Variants in GALK2 observed in about 807,000 individuals in gnomAD.
The protein encoded by GALK2 is N-acetylgalactosamine kinase.
In GALK2, 36 loss-of-function variants were observed where a neutral mutation model predicts 52.4. That is an observed-to-expected ratio of 0.69 (90% CI 0.53 to 0.91). The LOEUF is 0.91. Among genes scored for constraint, GALK2 ranks in the 40% least tolerant of loss-of-function variants. GALK2 has a pLI of 0.00. For missense variants in GALK2, 579 were observed against 559.1 expected (o/e 1.04, Z -0.36); for synonymous variants, 176 against 199.1 (o/e 0.88, Z 0.98).
intron 3 of GALK2, among the ~76,000 whole-genome samples, chr15:49,233,499 C>T (rs77376182): frequency 7.2e-5 from 11 of 152,218 alleles, no homozygotes; most frequent in African/African-American, 1.7e-4. Context: ...AACTATCCTC[C>T]TCTTTTTCTC....
chr15:49,286,823 A>C (rs956463957), intron 7 of GALK2, among the ~76,000 whole-genome samples: 1 of 152,128 alleles, frequency 6.6e-6, no homozygotes, highest in South Asian at 2.1e-4. Flanking sequence ...TTGACCTTTT[A>C]TCTTGAGGTT....
intron 1 of GALK2, among the ~76,000 whole-genome samples, chr15:49,175,300 C>G (rs2085362637): frequency 6.6e-6 from 1 of 152,172 alleles, no homozygotes; most frequent in Non-Finnish European, 1.5e-5. Flanking sequence ...GGCTGGTCCT[C>G]TGTCCAATCA....
intron 8 of GALK2, among the ~76,000 whole-genome samples, chr15:49,308,011 T>A (rs1856494168): frequency 6.6e-6 from 1 of 152,252 alleles, no homozygotes; most frequent in South Asian, 2.1e-4. Flanking sequence ...TTTGTGGGTT[T>A]GACCATTTCA....
In GALK2 at chr15:49,201,230, C is replaced by A; in HGVS notation, c.122C>A (p.Pro41Gln). ...GSIPKFYVRA[P>Q]GRVNIIGEHI... ...ATTCCCAAGTTTTATGTTCGAGCAC[C>A]AGGAAGAGTCAACATAATAGGTATT... The change falls in exon 2 of 10, where the codon CCA (proline) becomes CAA (glutamine). Residue 41 changes from proline to glutamine, a missense_variant. Pro to Gln is a moderately conservative substitution (Grantham distance 76, BLOSUM62 -1). Coordinates refer to ENST00000560031, the MANE Select transcript of GALK2 (RefSeq NM_002044.4). 6.2e-7 allele frequency: 1 copy of A among 1,604,772 alleles called. No individual in the cohort carries two copies. Among genetic ancestry groups the A allele is most frequent in the South Asian group, 1.1e-5 (1 of 90,742 alleles).
At chr15:49,235,779 C>A in intron 3 of GALK2, 72 bp from the exon 4 acceptor site, 1 of 950,616 alleles carries the variant, frequency 1.1e-6, no homozygotes, top group Non-Finnish European at 1.7e-6. Flanking sequence ...CACAAGATGG[C>A]AGCAGTCATC....
chr15:49,316,892 G>A (rs1292230945), intron 8 of GALK2, among the ~76,000 whole-genome samples: 1 of 152,128 alleles, frequency 6.6e-6, no homozygotes, highest in Non-Finnish European at 1.5e-5. Context: ...CCCATCTATT[G>A]CTGATCTTTT....
At chr15:49,249,831 C>A (rs1281239798) in intron 5 of GALK2, among the ~76,000 whole-genome samples, 1 of 152,162 alleles carries the variant, frequency 6.6e-6, no homozygotes, top group Non-Finnish European at 1.5e-5. Context: ...TTATACTGGT[C>A]CAAGCGGGCA....
intron 5 of GALK2, among the ~76,000 whole-genome samples, chr15:49,267,253 A>T (rs2092392981): frequency 6.6e-6 from 1 of 152,192 alleles, no homozygotes; most frequent in Admixed American, 6.5e-5. Flanking sequence ...AGTAATGAGG[A>T]TTCCAGCTAA....
chr15:49,191,982 T>A (rs2086756263), intron 1 of GALK2, among the ~76,000 whole-genome samples: 1 of 152,190 alleles, frequency 6.6e-6, no homozygotes. Flanking sequence ...TGGATTCTAA[T>A]GTTTCCATTA....
rs1164919709 is a variant in GALK2 at position 49,328,688 on chromosome 15, T to A, written c.*529T>A. On this transcript the variant is annotated 3_prime_UTR_variant, in exon 10 of 10. Transcript: ENST00000560031. ...CAGCTTCGGAACGCTATGAAAATAATACATGATTAAAGTTTCACAGATCTT... is the reference window on the plus strand; with the variant it reads ...CAGCTTCGGAACGCTATGAAAATAAAACATGATTAAAGTTTCACAGATCTT... 6.4e-7 allele frequency: 1 copy of A among 1,550,894 alleles called. No individual in the cohort carries two copies. The highest frequency in any genetic ancestry group is 2.0e-5 in the Admixed American group (1 of 50,922).
intron 3 of GALK2, among the ~76,000 whole-genome samples, chr15:49,344,541 G>A (rs2041193891): frequency 6.6e-6 from 1 of 152,126 alleles, no homozygotes; most frequent in Non-Finnish European, 1.5e-5. Flanking sequence ...CCCCACAAGA[G>A]CCTAGCGAGG....
chr15:49,367,367 C>A (rs981558956), intron 3 of GALK2: 2 of 1,213,172 alleles, frequency 1.6e-6, no homozygotes, highest in Admixed American at 5.5e-5. Context: ...CAATTTGTTT[C>A]TCAATTGAGA....
chr15:49,207,803 G>A (rs2088431752), intron 2 of GALK2, among the ~76,000 whole-genome samples: 4 of 152,014 alleles, frequency 2.6e-5, no homozygotes, highest in African/African-American at 2.4e-5. Context: ...TTGAGACGGA[G>A]TCTCGCTTTT....
rs1015726469 is a variant in GALK2 at position 49,329,742 on chromosome 15, C to T, written c.*1583C>T. Reference sequence around the variant, plus strand: ...TTTATAATCCTTTATTTTTTAATACCGTGCCATTTTCCACAAAGGATTTGT... The same window carrying T: ...TTTATAATCCTTTATTTTTTAATACTGTGCCATTTTCCACAAAGGATTTGT... On this transcript the variant is annotated 3_prime_UTR_variant, in exon 10 of 10. Coordinates refer to ENST00000560031, the MANE Select transcript of GALK2 (RefSeq NM_002044.4). The T allele has an allele frequency of 5.4e-5, 52 of 971,292 alleles. No homozygotes were observed. The highest frequency in any genetic ancestry group is 4.6e-4 in the East Asian group (4 of 8,714). 60.2% of individuals were successfully genotyped at this position (971,292 alleles called of 1,614,324 possible).
intron 5 of GALK2, among the ~76,000 whole-genome samples, chr15:49,265,629 C>G (rs1261234504): frequency 6.6e-6 from 1 of 152,252 alleles, no homozygotes; most frequent in Non-Finnish European, 1.5e-5. Context: ...CCCAGTACCT[C>G]AGATGGAAAT....
At chr15:49,334,341 C>T (rs2039320563), downstream of GALK2, 2 of 563,150 alleles carry the variant, frequency 3.6e-6, no homozygotes, top group African/African-American at 2.0e-5. Flanking sequence ...GCAGGCATTA[C>T]TAATTGGGAA....
intron 8 of GALK2, among the ~76,000 whole-genome samples, chr15:49,299,822 TA>T (rs200025997): frequency 0.011 from 1,564 of 146,360 alleles, 53 homozygotes; most frequent in African/African-American, 0.025. Flanking sequence ...GCGTGATTGG[TA>T]TGATTTTTTT....
In GALK2 at chr15:49,260,005, A is replaced by G. The variant is rs546024819; in HGVS notation, c.504+20638A>G. ...TTGTTGGACATTTGGGTTGGTTCCA[A>G]GTCTTTGCTATTGTGAATAGTGCCG... is the stretch of plus-strand genomic sequence containing the variant. On this transcript the variant is annotated intron_variant, in intron 5 of 9. Coordinates refer to ENST00000560031, the MANE Select transcript of GALK2 (RefSeq NM_002044.4). 8.9e-4 allele frequency among the ~76,000 whole-genome samples: 135 copies of G among 151,142 alleles called. 3 individuals are homozygous for G. In the South Asian group the frequency reaches 0.027, roughly 30 times the overall value.
At chr15:49,305,624 C>T (rs1205279696) in intron 8 of GALK2, among the ~76,000 whole-genome samples, 1 of 152,062 alleles carries the variant, frequency 6.6e-6, no homozygotes, top group Non-Finnish European at 1.5e-5. Flanking sequence ...CAAGAAGAAG[C>T]AATATAAAAG....
Sources: gnomAD v4.1 joint callset for allele counts (sites outside exome capture counted in the v4.1 genomes callset) on GRCh38, gnomAD v4.1.1 for gene constraint, MANE v1.5 for transcripts, NCBI Gene and HGNC (gene_info 2026-07-23, HGNC 2026-07-21) for gene names.